IL18RAP: variants seen among roughly 807,000 people sequenced by gnomAD.
IL18RAP encodes the protein interleukin-18 receptor accessory protein.
Under a neutral mutation model 58.1 loss-of-function variants are expected in IL18RAP, and 37 were observed. The ratio of observed to expected loss-of-function variants is 0.64; its 90% CI spans 0.49 to 0.84. IL18RAP has a LOEUF of 0.84. IL18RAP is among the 40% of genes least tolerant of loss of function. IL18RAP has a pLI of 0.00. For synonymous variants in IL18RAP, 268 were observed against 257.5 expected, an observed-to-expected ratio of 1.04 and a Z score of -0.39; for missense variants, 667 against 704.8, an observed-to-expected ratio of 0.95 and a Z score of 0.61.
intron 3 of IL18RAP, chr2:102,434,517 T>C (rs1489327402): frequency 6.6e-6 from 1 of 152,160 alleles, no homozygotes; most frequent in East Asian, 1.9e-4. Context: ...GAGATCAACA[T>C]GGTATGTTCT....
At chr2:102,436,689 A>G (rs938807162) in intron 3 of IL18RAP, among the ~76,000 whole-genome samples, 1 of 150,916 alleles carries the variant, frequency 6.6e-6, no homozygotes, top group Non-Finnish European at 1.5e-5. Context: ...GAGAAAAAAA[A>G]GCCACTCACG....
Position 102,423,837 on chromosome 2 carries a change from A to G in IL18RAP, c.97A>G (p.Thr33Ala), listed in dbSNP as rs750538918. Residue 33 changes from threonine (T) to alanine (A), a missense_variant, in exon 2 of 10, where the codon ACA becomes GCA. Transcript: ENST00000687160. ...TTGTTCCACAAAAAAACTCCTTTGGACATATTCTACAAGGAGTGAAGAGGA... is the reference window on the plus strand; with the variant it reads ...TTGTTCCACAAAAAAACTCCTTTGGGCATATTCTACAAGGAGTGAAGAGGA... ...SGCSTKKLLW[T>A]YSTRSEEEFV... 15 of 1,613,714 alleles carry G rather than the reference A, an allele frequency of 9.3e-6. No individual in the cohort carries two copies. The highest frequency in any genetic ancestry group is 1.2e-5 in the Non-Finnish European group (14 of 1,179,774).
intron 3 of IL18RAP, among the ~76,000 whole-genome samples, chr2:102,436,719 A>G (rs1402084621): frequency 2.0e-5 from 3 of 152,102 alleles, no homozygotes; most frequent in Non-Finnish European, 4.4e-5. Context: ...CTCTGTTTAT[A>G]TAAGTTTTTA....
rs1030737699 is a variant in IL18RAP, at chr2:102,447,117, G to A, written c.1120G>A (p.Val374Met). 7.4e-6 allele frequency: 12 copies of A among 1,613,994 alleles called. No homozygotes were observed. The highest frequency in any genetic ancestry group is 3.3e-5 in the Admixed American group (2 of 60,008). ...TGGCACCATCGGGACCCTGGTGGCCGTGCTGGCGGCGAGTGCCCTCCTCTA... is the reference window on the plus strand; with the variant it reads ...TGGCACCATCGGGACCCTGGTGGCCATGCTGGCGGCGAGTGCCCTCCTCTA... The part of the protein sequence containing the change: ...LLGTIGTLVA[V>M]LAASALLYRH... The change falls in exon 8 of 10, where the codon GTG becomes ATG. Residue 374 changes from valine (V) to methionine (M), a missense_variant. Physicochemically the swap from Val to Met is conservative, Grantham distance 21 (BLOSUM62 1). Coordinates refer to ENST00000687160, the MANE Select transcript of IL18RAP (RefSeq NM_001393487.1).
At chr2:102,442,290 T>C (rs1450227506) in intron 5 of IL18RAP, among the ~76,000 whole-genome samples, 1 of 151,760 alleles carries the variant, frequency 6.6e-6, no homozygotes, top group Non-Finnish European at 1.5e-5. Context: ...TGTTTTTCTT[T>C]TAATAATATA....
At chr2:102,436,581 A>G (rs1444420151) in intron 3 of IL18RAP, among the ~76,000 whole-genome samples, 1 of 152,084 alleles carries the variant, frequency 6.6e-6, no homozygotes, top group African/African-American at 2.4e-5. Context: ...GTAGGCAGGC[A>G]AAGTGGAAGG....
chr2:102,446,724 C>T (rs1683441613), intron 7 of IL18RAP, among the ~76,000 whole-genome samples: 1 of 151,524 alleles, frequency 6.6e-6, no homozygotes, highest in African/African-American at 2.4e-5. Flanking sequence ...TGGCGTGAAC[C>T]CGGGAGGCGG....
chr2:102,447,726 G>GTATT (rs1553407355), intron 8 of IL18RAP, among the ~76,000 whole-genome samples: 169 of 149,738 alleles, frequency 1.1e-3, no homozygotes, highest in African/African-American at 1.8e-3. Context: ...ATGTATGTAT[G>GTATT]TATTTATTTA....
intron 3 of IL18RAP, among the ~76,000 whole-genome samples, chr2:102,425,623 A>G (rs1364785235): frequency 4.6e-5 from 7 of 152,038 alleles, no homozygotes. Context: ...TCTCTCAAGA[A>G]CAAAACTTCC....
At chr2:102,443,047 C>T (rs1424056802) in intron 5 of IL18RAP, among the ~76,000 whole-genome samples, 153 bp from the exon 6 acceptor site, 1 of 152,192 alleles carries the variant, frequency 6.6e-6, no homozygotes, top group Non-Finnish European at 1.5e-5. Context: ...TGAATGAGAG[C>T]TGTGTAGACG....
chr2:102,451,962 GA>G lies in IL18RAP; in HGVS notation c.1587del (p.Ala530LeufsTer13). 6.2e-7 allele frequency: 1 copy of G among 1,614,128 alleles called. No individual in the cohort carries two copies. Among genetic ancestry groups the G allele is most frequent in the Non-Finnish European group, 8.5e-7 (1 of 1,180,018 alleles). On this transcript the variant is annotated frameshift_variant, in exon 10 of 10. Coordinates refer to ENST00000687160, the MANE Select transcript of IL18RAP (RefSeq NM_001393487.1). LOFTEE classifies it low-confidence loss of function (END_TRUNC). Reference protein sequence around the residue: ...QEPESLPHLVKKALRVLPTVT... With the variant: ...QEPESLPHLVXKALRVLPTVT... Reference sequence around the variant, plus strand: ...AGCCAGAGTCTCTACCTCATCTCGTGAAAAAAGCTCTCAGGGTTTTGCCCAC... The same window carrying G: ...AGCCAGAGTCTCTACCTCATCTCGTGAAAAAGCTCTCAGGGTTTTGCCCAC...
chr2:102,442,745 A>ATT (rs78796646), intron 5 of IL18RAP, among the ~76,000 whole-genome samples: 4 of 152,034 alleles, frequency 2.6e-5, no homozygotes, highest in Non-Finnish European at 5.9e-5. Context: ...TATCGAAATA[A>ATT]TTTTTTTATT....
chr2:102,434,643 G>A (rs775720723), intron 3 of IL18RAP: 4 of 152,036 alleles, frequency 2.6e-5, no homozygotes, highest in Non-Finnish European at 4.4e-5. Context: ...ACAACGCAAG[G>A]GTGTTGCTTA....
At chr2:102,423,739 C>A in intron 1 of IL18RAP, 72 bp from the exon 2 acceptor site, 1 of 1,036,960 alleles carries the variant, frequency 9.6e-7, no homozygotes. Context: ...AAATCAAGTA[C>A]TAGATGTAAA....
intron 5 of IL18RAP, 49 bp from the exon 6 acceptor site, chr2:102,443,151 G>T: frequency 6.4e-7 from 1 of 1,571,882 alleles, no homozygotes; most frequent in East Asian, 2.3e-5. Flanking sequence ...GTAGGACAAA[G>T]TATTCTCACC....
upstream of IL18RAP, among the ~76,000 whole-genome samples, chr2:102,421,350 A>G (rs1681565037): frequency 1.3e-5 from 2 of 152,320 alleles, no homozygotes; most frequent in Admixed American, 6.5e-5. Context: ...GACATGAGAG[A>G]GCCAAACGCT....
intron 3 of IL18RAP, among the ~76,000 whole-genome samples, chr2:102,429,425 T>G (rs1573270283): frequency 6.6e-6 from 1 of 152,106 alleles, no homozygotes; most frequent in East Asian, 1.9e-4. Flanking sequence ...TGTCTACTCT[T>G]TCATTTCTGA....
intron 9 of IL18RAP, 48 bp downstream of exon 9, chr2:102,451,069 A>G (rs1211240583): frequency 1.4e-6 from 2 of 1,432,826 alleles, no homozygotes; most frequent in African/African-American, 1.4e-5. Context: ...AGGGCAGTTC[A>G]ATGCAATCCC....
At chr2:102,437,154 G>C in intron 3 of IL18RAP, 58 bp from the exon 4 acceptor site, 1 of 1,506,346 alleles carries the variant, frequency 6.6e-7, no homozygotes, top group Non-Finnish European at 9.0e-7. Context: ...CTTTAGGTAT[G>C]TATTTCATAA....
Sources: allele counts gnomAD v4.1 joint callset (sites outside exome capture counted in the v4.1 genomes callset), GRCh38; gene constraint gnomAD v4.1.1; transcripts MANE v1.5; gene names NCBI Gene and HGNC (gene_info 2026-07-23, HGNC 2026-07-21).